KIRREL3: variants seen among roughly 807,000 people sequenced by gnomAD.
KIRREL3 encodes kirre like nephrin family adhesion molecule 3.
Under a neutral mutation model 89.7 loss-of-function variants are expected in KIRREL3, and 36 were observed. The observed-to-expected ratio is 0.40, with a 90% CI of 0.31 to 0.53. KIRREL3 has a LOEUF of 0.53. Among genes scored for constraint, KIRREL3 ranks in the 20% least tolerant of loss-of-function variants. KIRREL3 has a pLI of 0.49. For missense variants in KIRREL3, 864 were observed against 1,056.6 expected (o/e 0.82, Z 2.53); for synonymous variants, 445 against 441.4 (o/e 1.01, Z -0.10).
intron 1 of KIRREL3, among the ~76,000 whole-genome samples, chr11:126,592,597 A>T (rs1272139021): frequency 6.6e-6 from 1 of 152,202 alleles, no homozygotes; most frequent in Non-Finnish European, 1.5e-5. Flanking sequence ...ATCAGGATGG[A>T]AAGGACCATG....
rs1217256574 is a variant in KIRREL3, at chr11:126,570,809, T to C, written c.56-7897A>G. Among the ~76,000 whole-genome samples the C allele has an allele frequency of 6.6e-6, 1 of 152,232 alleles. No homozygotes were observed. The highest frequency in any genetic ancestry group is 1.5e-5 in the Non-Finnish European group (1 of 68,046). ...CCTGTGTGCCTGCAGGAAATCTACATGCCCATGTGGTCATCTATCCTTCGG... is the reference window on the plus strand; with the variant it reads ...CCTGTGTGCCTGCAGGAAATCTACACGCCCATGTGGTCATCTATCCTTCGG... On this transcript the variant is annotated intron_variant, in intron 1 of 16. Transcript: ENST00000525144. This position sits in a 1 kb window ranked among gnomAD's most constrained non-coding sequence, Gnocchi z 6.1.
rs1957554498 is a variant in KIRREL3 at position 126,492,687 on chromosome 11, T to C, written c.434-19221A>G. Among the ~76,000 whole-genome samples the C allele has an allele frequency of 6.6e-6, 1 of 152,112 alleles. No homozygotes were observed. The highest frequency in any genetic ancestry group is 6.5e-5 in the Admixed American group (1 of 15,268). On this transcript the variant is annotated intron_variant, in intron 4 of 16. Coordinates refer to ENST00000525144, the MANE Select transcript of KIRREL3 (RefSeq NM_032531.4). The surrounding 1 kb of genome is among the most constrained non-coding windows in gnomAD (Gnocchi z 4.8). ...AATTGACTCTGAAAGGGCCTTTTCT[T>C]CCAAGCAGTTCATGCCTCAGTGACT...
chr11:126,923,187 CTCTTCTTCTTCTTCT>C lies in KIRREL3; in HGVS notation c.55+77253_55+77267del, dbSNP rs1209221075. ...TTCTTCTTCTTCTTCTCTTCTTCTT[CTCTTCTTCTTCTTCT>C]TCTTCTTCTTCTTCTTCTTCTTCTT... is the stretch of plus-strand genomic sequence containing the variant. On this transcript the variant is annotated intron_variant, in intron 1 of 16. Coordinates refer to ENST00000525144, the MANE Select transcript of KIRREL3 (RefSeq NM_032531.4). Among the ~76,000 whole-genome samples the C allele has an allele frequency of 1.8e-3, 44 of 23,820 alleles. 6 individuals are homozygous for C. The highest frequency in any genetic ancestry group is 3.3e-3 in the Admixed American group (7 of 2,112). 15.6% of individuals were successfully genotyped at this position (23,820 alleles called of 152,430 possible).
rs1944956244 is a variant in KIRREL3 at position 126,867,232 on chromosome 11, C to G, written c.55+133223G>C. On this transcript the variant is annotated intron_variant, in intron 1 of 16. Transcript: ENST00000525144. The surrounding 1 kb of genome is among the most constrained non-coding windows in gnomAD (Gnocchi z 4.7). ...TCTATGCAGCGAGCCACACTCCTAT[C>G]ACACAGCCTGCCATGGGGATAAAGG... 6.6e-6 allele frequency among the ~76,000 whole-genome samples: 1 copy of G among 152,252 alleles called. No individual in the cohort carries two copies. The highest frequency in any genetic ancestry group is 1.5e-5 in the Non-Finnish European group (1 of 68,038).
rs1291117207 is a variant in KIRREL3 at position 126,566,028 on chromosome 11, C to T, written c.56-3116G>A. ...GAATGGGAGAGTCAGATCACAGATG[C>T]ACATTTTGGAACAGTAAGATGATGG... On this transcript the variant is annotated intron_variant, in intron 1 of 16. Coordinates refer to ENST00000525144, the MANE Select transcript of KIRREL3 (RefSeq NM_032531.4). This position sits in a 1 kb window ranked among gnomAD's most constrained non-coding sequence, Gnocchi z 4.9. Among the ~76,000 whole-genome samples the T allele has an allele frequency of 6.6e-6, 1 of 152,290 alleles. No homozygotes were observed. The highest frequency in any genetic ancestry group is 2.1e-4 in the South Asian group (1 of 4,816).
In KIRREL3 at chr11:126,622,640, G is replaced by T. The variant is rs1943619363; in HGVS notation, c.56-59728C>A. Among the ~76,000 whole-genome samples the T allele has an allele frequency of 2.0e-5, 3 of 152,178 alleles. No individual in the cohort carries two copies. The highest frequency in any genetic ancestry group is 4.4e-5 in the Non-Finnish European group (3 of 68,034). On this transcript the variant is annotated intron_variant, in intron 1 of 16. Coordinates refer to ENST00000525144, the MANE Select transcript of KIRREL3 (RefSeq NM_032531.4). The surrounding 1 kb of genome is among the most constrained non-coding windows in gnomAD (Gnocchi z 5.2). ...GGAGGCGGAGGTTGCAGTGAGCTGA[G>T]ATCACGCCAGTGCACTCCAGCCTGG...
At chr11:126,770,525 G>A (rs1004246123) in intron 1 of KIRREL3, among the ~76,000 whole-genome samples, 2 of 152,202 alleles carry the variant, frequency 1.3e-5, no homozygotes, top group African/African-American at 2.4e-5. Context: ...TTTTAAAAAT[G>A]CCTTGATGGT....
At chr11:126,637,492 C>T (rs1565610694) in intron 1 of KIRREL3, among the ~76,000 whole-genome samples, 1 of 152,184 alleles carries the variant, frequency 6.6e-6, no homozygotes, top group Non-Finnish European at 1.5e-5. Flanking sequence ...CTGCTCAAGC[C>T]TCTGCCTATT....
At position 126,632,190 on chromosome 11, in the gene KIRREL3, G is replaced by A. The variant is rs142260405; in HGVS notation, c.56-69278C>T. The stretch of plus-strand genomic sequence containing the variant: ...CTGCTGGTGTGGTCTCACACTTTGA[G>A]GACCACAGATATAAGGCAATGCCTA... On this transcript the variant is annotated intron_variant, in intron 1 of 16. Coordinates refer to ENST00000525144, the MANE Select transcript of KIRREL3 (RefSeq NM_032531.4). Among the ~76,000 whole-genome samples, 1,054 of 152,294 alleles carry A rather than the reference G, an allele frequency of 6.9e-3. 6 individuals are homozygous for A. Among genetic ancestry groups the A allele is most frequent in the Middle Eastern group, 0.02 (6 of 294 alleles).
At chr11:126,542,448 C>T (rs527629) in intron 2 of KIRREL3, among the ~76,000 whole-genome samples, 60,430 of 152,068 alleles carry the variant, frequency 0.4, 13,656 homozygotes, top group East Asian at 0.92. Flanking sequence ...CATTCATTTT[C>T]GACTTTGGAA....
In KIRREL3 at chr11:126,553,424, C is replaced by T. The variant is rs762334151; in HGVS notation, c.133+9411G>A. Among the ~76,000 whole-genome samples, 2 of 152,206 alleles carry T rather than the reference C, an allele frequency of 1.3e-5. No individual in the cohort carries two copies. The highest frequency in any genetic ancestry group is 2.9e-5 in the Non-Finnish European group (2 of 68,044). On this transcript the variant is annotated intron_variant, in intron 2 of 16. Transcript: ENST00000525144. The surrounding 1 kb of genome is among the most constrained non-coding windows in gnomAD (Gnocchi z 4.7). ...AGAGCCTTCCCACTAGGGAATCTTC[C>T]ACATAGCCACTGGCAGTCTCTGTCT...
rs1028123003 is a variant in KIRREL3, at chr11:126,678,091, G to A, written c.56-115179C>T. The stretch of plus-strand genomic sequence containing the variant: ...CAGTATGGTTATACGCGGTAATGAA[G>A]CATGCAGGAAACCACACAAGATAGA... On this transcript the variant is annotated intron_variant, in intron 1 of 16. Transcript: ENST00000525144. Among the ~76,000 whole-genome samples, 6 of 152,322 alleles carry A rather than the reference G, an allele frequency of 3.9e-5. No individual in the cohort carries two copies. In the East Asian group the frequency reaches 1.2e-3, roughly 29 times the overall value.
intron 2 of KIRREL3, among the ~76,000 whole-genome samples, chr11:126,556,467 A>G (rs1477206773): frequency 6.6e-6 from 1 of 152,100 alleles, no homozygotes; most frequent in Non-Finnish European, 1.5e-5. Context: ...ATAGTGAGGC[A>G]CTGTCTCTAC....
intron 1 of KIRREL3, among the ~76,000 whole-genome samples, chr11:126,762,848 T>A (rs1029582172): frequency 6.6e-6 from 1 of 152,198 alleles, no homozygotes; most frequent in Non-Finnish European, 1.5e-5. Context: ...TATCTGTGGC[T>A]TAATGCCAAG....
chr11:126,450,132 G>GGGGTGTATGTGTATACACATGTATGT lies in KIRREL3; in HGVS notation c.849-1001_849-976dup, dbSNP rs61724778. 5.3e-3 allele frequency among the ~76,000 whole-genome samples: 814 copies of GGGGTGTATGTGTATACACATGTATGT among 152,218 alleles called. 9 individuals are homozygous for GGGGTGTATGTGTATACACATGTATGT. Among genetic ancestry groups the GGGGTGTATGTGTATACACATGTATGT allele is most frequent in the African/African-American group, 0.018 (766 of 41,434 alleles). On this transcript the variant is annotated intron_variant, in intron 7 of 16. Transcript: ENST00000525144. ...GTGCAGAAAGCAACGGAGCCTCACA[G>GGGGTGTATGTGTATACACATGTATGT]GGGTGTATGTGTATACACATGTATG...
At position 126,742,270 on chromosome 11, in the gene KIRREL3, G is replaced by C. The variant is rs1217395671; in HGVS notation, c.56-179358C>G. Among the ~76,000 whole-genome samples the C allele has an allele frequency of 2.0e-5, 3 of 152,206 alleles. No homozygotes were observed. The highest frequency in any genetic ancestry group is 1.3e-4 in the Admixed American group (2 of 15,290). On this transcript the variant is annotated intron_variant, in intron 1 of 16. Coordinates refer to ENST00000525144, the MANE Select transcript of KIRREL3 (RefSeq NM_032531.4). The surrounding 1 kb of genome is among the most constrained non-coding windows in gnomAD (Gnocchi z 5.3). ...TGGCATTTCTTGAGGATTTCCCAGA[G>C]AGTCTTGCTGTCTGTCTGTATGCAA... is the stretch of plus-strand genomic sequence containing the variant.
intron 1 of KIRREL3, among the ~76,000 whole-genome samples, chr11:126,803,158 G>T (rs1035608539): frequency 6.6e-6 from 1 of 152,166 alleles, no homozygotes; most frequent in Admixed American, 6.6e-5. Flanking sequence ...CTGATTAAAC[G>T]CAACATATGC....
rs1955573142 is a variant in KIRREL3, at chr11:126,441,724, T to C, written c.1253-1175A>G. 6.6e-6 allele frequency among the ~76,000 whole-genome samples: 1 copy of C among 152,194 alleles called. No homozygotes were observed. Among genetic ancestry groups the C allele is most frequent in the South Asian group, 2.1e-4 (1 of 4,832 alleles). On this transcript the variant is annotated intron_variant, in intron 10 of 16. Transcript: ENST00000525144. The surrounding 1 kb of genome is among the most constrained non-coding windows in gnomAD (Gnocchi z 5.0). ...GCAGATTTGCATTTCTATGAGTAGC[T>C]CTCAGCCAAGGGAGAAAAGGTACTG...
chr11:126,431,742 G>A lies in KIRREL3; in HGVS notation c.1589-216C>T, dbSNP rs182641005. Among the ~76,000 whole-genome samples the A allele has an allele frequency of 1.2e-4, 19 of 152,290 alleles. No individual in the cohort carries two copies. Among genetic ancestry groups the A allele is most frequent in the Admixed American group, 1.1e-3 (17 of 15,302 alleles). ...GGTGGAGGACACAGGGGCTTGGTGG[G>A]TGGAGGAGAGGGCAGGGGAACTGAG... On this transcript the variant is annotated intron_variant, in intron 13 of 16. Transcript: ENST00000525144. This position sits in a 1 kb window ranked among gnomAD's most constrained non-coding sequence, Gnocchi z 7.1.
Sources: gnomAD v4.1 joint callset for allele counts (sites outside exome capture counted in the v4.1 genomes callset) on GRCh38, gnomAD v4.1.1 for gene constraint, Gnocchi (gnomAD v3.1) non-coding constraint, MANE v1.5 for transcripts, NCBI Gene and HGNC (gene_info 2026-07-23, HGNC 2026-07-21) for gene names.